MEF2C: variants seen among roughly 807,000 people sequenced by gnomAD.
MEF2C encodes myocyte enhancer factor 2C.
MEF2C carries 6 observed loss-of-function variants against 50.5 expected under a neutral mutation model. That is an observed-to-expected ratio of 0.12 (90% CI 0.07 to 0.23). The LOEUF is 0.23. Ranked by LOEUF, MEF2C falls within the 10% of genes least tolerant of loss-of-function variation. MEF2C has a pLI of 1.00. For missense variants in MEF2C, 276 were observed against 605.0 expected (o/e 0.46, Z 5.70); for synonymous variants, 183 against 228.0 (o/e 0.80, Z 1.78).
At chr5:88,875,053 T>C (rs1461813634) in intron 1 of MEF2C, among the ~76,000 whole-genome samples, 1 of 151,946 alleles carries the variant, frequency 6.6e-6, no homozygotes, top group Admixed American at 6.6e-5. Flanking sequence ...AAAAATCACA[T>C]GGGTAACAGT....
At chr5:88,805,097 TA>T (rs994447864) in intron 2 of MEF2C, among the ~76,000 whole-genome samples, 2 of 151,914 alleles carry the variant, frequency 1.3e-5, no homozygotes, top group South Asian at 2.1e-4. Context: ...AGTTAAGATT[TA>T]AAAAAAAATT....
chr5:88,733,780 CA>C lies in MEF2C; in HGVS notation c.638-1880del, dbSNP rs991199874. The C allele has an allele frequency of 1.6e-4, 154 of 984,878 alleles. No homozygotes were observed. In the African/African-American group the frequency reaches 2.6e-3, roughly 16 times the overall value. The allele number at this position is 984,878 out of a possible 1,614,324, so 61.0% of individuals were successfully genotyped here. A position where few individuals can be genotyped will look rare whatever the true frequency, so the allele number is the denominator to read the frequency against. On this transcript the variant is annotated intron_variant, in intron 6 of 10. Transcript: ENST00000504921. ...AATAAAATTATCCCAGTTCCTGGGG[CA>C]AAAAAACAAAAATAAAGCAAACTGG...
intron 1 of MEF2C, among the ~76,000 whole-genome samples, chr5:88,871,852 C>A (rs1029038163): frequency 6.6e-6 from 1 of 151,990 alleles, no homozygotes; most frequent in Non-Finnish European, 1.5e-5. Context: ...TATTCATCAT[C>A]TCAAAGTTGA....
At chr5:88,735,526 TTGTTTTATAGTTTCA>T in intron 6 of MEF2C, 2 of 979,342 alleles carry the variant, frequency 2.0e-6, no homozygotes, top group Non-Finnish European at 2.4e-6. Context: ...TAGAGTCAGT[TTGTTTTATAGTTTCA>T]TTTGATTAAA....
At chr5:88,846,090 T>C (rs1184345620) in intron 1 of MEF2C, among the ~76,000 whole-genome samples, 2 of 150,720 alleles carry the variant, frequency 1.3e-5, no homozygotes, top group African/African-American at 4.9e-5. Context: ...TTTTTTGAGA[T>C]GCATTCTAGC....
intron 1 of MEF2C, 124 bp from the exon 2 acceptor site, chr5:88,824,054 A>T: frequency 9.8e-7 from 1 of 1,023,710 alleles, no homozygotes; most frequent in Non-Finnish European, 1.2e-6. Context: ...GAATAAAAAT[A>T]ACTTTTTTGT....
intron 2 of MEF2C, among the ~76,000 whole-genome samples, chr5:88,812,975 CA>C (rs1183295235): frequency 6.6e-6 from 1 of 152,070 alleles, no homozygotes; most frequent in Non-Finnish European, 1.5e-5. Flanking sequence ...TAAGTGCAAG[CA>C]CAGTAATGCA....
At chr5:88,729,474 A>G (rs1212956104) in intron 8 of MEF2C, 127 bp from the exon 9 acceptor site, 2 of 860,954 alleles carry the variant, frequency 2.3e-6, no homozygotes, top group African/African-American at 1.7e-5. Flanking sequence ...ATCATTTAAC[A>G]TGTGTCTCTA....
At chr5:88,788,739 A>G (rs1280601199) in intron 3 of MEF2C, among the ~76,000 whole-genome samples, 2 of 152,208 alleles carry the variant, frequency 1.3e-5, no homozygotes, top group Non-Finnish European at 2.9e-5. Context: ...AGATTAATGC[A>G]GATCTATGTC....
intron 1 of MEF2C, among the ~76,000 whole-genome samples, chr5:88,846,579 G>A (rs772303126): frequency 2.6e-5 from 4 of 152,158 alleles, no homozygotes; most frequent in Non-Finnish European, 5.9e-5. Flanking sequence ...TGCTCAACAT[G>A]GTAGAAATAT....
chr5:88,793,681 C>G (rs1039733834), intron 3 of MEF2C, among the ~76,000 whole-genome samples: 1 of 152,004 alleles, frequency 6.6e-6, no homozygotes, highest in Non-Finnish European at 1.5e-5. Context: ...TTCTGGGATA[C>G]GTGTGCAGAA....
At chr5:88,853,325 T>C (rs182436957) in intron 1 of MEF2C, among the ~76,000 whole-genome samples, 5 of 152,342 alleles carry the variant, frequency 3.3e-5, no homozygotes, top group East Asian at 3.9e-4. Flanking sequence ...GCTGGACTTG[T>C]ATACGTTTAA....
At chr5:88,835,440 A>C (rs1346491004) in intron 1 of MEF2C, among the ~76,000 whole-genome samples, 2 of 152,172 alleles carry the variant, frequency 1.3e-5, no homozygotes, top group African/African-American at 2.4e-5. Context: ...TGTAGCCTCA[A>C]GCCCAACAGA....
intron 2 of MEF2C, among the ~76,000 whole-genome samples, chr5:88,811,956 C>G (rs1803023186): frequency 6.6e-6 from 1 of 152,080 alleles, no homozygotes; most frequent in South Asian, 2.1e-4. Context: ...GTTTCCTCAC[C>G]TGGAAAGTGG....
At chr5:88,826,777 G>C (rs1811047318) in intron 1 of MEF2C, among the ~76,000 whole-genome samples, 1 of 151,832 alleles carries the variant, frequency 6.6e-6, no homozygotes, top group African/African-American at 2.4e-5. Flanking sequence ...TTCAAGTTAT[G>C]CTGAGAACTT....
chr5:88,800,070 C>T (rs1039155222), intron 3 of MEF2C, among the ~76,000 whole-genome samples: 1 of 152,220 alleles, frequency 6.6e-6, no homozygotes. Flanking sequence ...CCCTTCCACA[C>T]TTAATCACTG....
At chr5:88,857,222 G>A (rs1823759558) in intron 1 of MEF2C, among the ~76,000 whole-genome samples, 1 of 152,204 alleles carries the variant, frequency 6.6e-6, no homozygotes, top group East Asian at 1.9e-4. Context: ...GGCTTGCTTG[G>A]GGCCTGTAGC....
At chr5:88,821,038 G>T (rs1490900938) in intron 2 of MEF2C, among the ~76,000 whole-genome samples, 1 of 151,794 alleles carries the variant, frequency 6.6e-6, no homozygotes, top group Non-Finnish European at 1.5e-5. Context: ...CTGGAGAAAA[G>T]AATAAATATA....
intron 3 of MEF2C, among the ~76,000 whole-genome samples, chr5:88,790,123 A>T (rs1793019028): frequency 6.6e-6 from 1 of 152,180 alleles, no homozygotes; most frequent in Non-Finnish European, 1.5e-5. Flanking sequence ...CCAGAGTCCC[A>T]CCTCACTGGG....
Sources: gnomAD v4.1 joint callset for allele counts (sites outside exome capture counted in the v4.1 genomes callset) on GRCh38, gnomAD v4.1.1 for gene constraint, MANE v1.5 for transcripts, NCBI Gene and HGNC (gene_info 2026-07-23, HGNC 2026-07-21) for gene names.